Variants in RUSC2 observed in about 807,000 individuals in gnomAD.
RUSC2 encodes AP-4 complex accessory subunit RUSC2.
A neutral mutation model predicts 122.2 loss-of-function variants in RUSC2; 34 were observed. The ratio of observed to expected loss-of-function variants is 0.28; its 90% CI spans 0.21 to 0.37. RUSC2 has a LOEUF of 0.37. Ranked by LOEUF, RUSC2 falls within the 10% of genes least tolerant of loss-of-function variation. RUSC2 has a pLI of 1.00. For synonymous variants in RUSC2, 784 were observed against 790.0 expected (o/e 0.99, Z 0.13); for missense variants, 1,747 against 1,952.4 (o/e 0.89, Z 1.98).
In RUSC2 at chr9:35,548,974, C is replaced by A; in HGVS notation, c.2014+439C>A. ...TTGAACCCAGGAGGTGGAGGTTGCACTGAGCTGAGATCATACCACTGCACT... is the reference window on the plus strand; with the variant it reads ...TTGAACCCAGGAGGTGGAGGTTGCAATGAGCTGAGATCATACCACTGCACT... On this transcript the variant is annotated intron_variant, in intron 2 of 11. Coordinates refer to ENST00000361226, the MANE Select transcript of RUSC2 (RefSeq NM_014806.5). This position sits in a 1 kb window ranked among gnomAD's most constrained non-coding sequence, Gnocchi z 4.5. 1 of 782,138 alleles carries A rather than the reference C, an allele frequency of 1.3e-6. No homozygotes were observed. The highest frequency in any genetic ancestry group is 1.6e-6 in the Non-Finnish European group (1 of 644,632). 48.4% of individuals were successfully genotyped at this position (782,138 alleles called of 1,614,324 possible). A position where few individuals can be genotyped will look rare whatever the true frequency, so the allele number is the denominator to read the frequency against.
chr9:35,546,742 C>T lies in RUSC2; in HGVS notation c.221C>T (p.Pro74Leu). Residue 74 changes from proline to leucine, a missense_variant, in exon 2 of 12, where the codon CCA (proline) becomes CTA (leucine). By Grantham distance (98) the Pro-to-Leu change is moderately conservative. Coordinates refer to ENST00000361226, the MANE Select transcript of RUSC2 (RefSeq NM_014806.5). The surrounding 1 kb of genome is among the most constrained non-coding windows in gnomAD (Gnocchi z 4.3). ...CTATTCAGCAGCCTGCACTCTACTC[C>T]AGGAGGAACTGCACGGTCTATAGAC... ...SLLFSSLHST[P>L]GGTARSIDST... 6.3e-7 allele frequency: 1 copy of T among 1,578,438 alleles called. No individual in the cohort carries two copies. The highest frequency in any genetic ancestry group is 8.6e-7 in the Non-Finnish European group (1 of 1,163,148).
intron 1 of RUSC2, among the ~76,000 whole-genome samples, chr9:35,532,058 C>T (rs1245274157): frequency 4.0e-5 from 6 of 151,888 alleles, no homozygotes; most frequent in East Asian, 1.9e-4. Flanking sequence ...AGTCAATGCC[C>T]GAAACATTGG....
At chr9:35,528,456 A>G (rs970371759) in intron 1 of RUSC2, among the ~76,000 whole-genome samples, 6 of 150,884 alleles carry the variant, frequency 4.0e-5, no homozygotes, top group African/African-American at 1.5e-4. Flanking sequence ...GGGCCCTGTA[A>G]TGTCTTGATT....
intron 1 of RUSC2, among the ~76,000 whole-genome samples, chr9:35,534,427 C>CAT (rs1181113441): frequency 6.8e-6 from 1 of 147,570 alleles, no homozygotes; most frequent in African/African-American, 2.6e-5. Flanking sequence ...AATACACACA[C>CAT]ACACACACAC....
At chr9:35,531,994 C>G (rs1389579777) in intron 1 of RUSC2, among the ~76,000 whole-genome samples, 1 of 152,174 alleles carries the variant, frequency 6.6e-6, no homozygotes, top group African/African-American at 2.4e-5. Flanking sequence ...CCACTGCACT[C>G]CAGCCTGGGC....
intron 1 of RUSC2, among the ~76,000 whole-genome samples, chr9:35,490,728 C>T (rs767393549): frequency 6.6e-6 from 1 of 152,228 alleles, no homozygotes; most frequent in Admixed American, 6.5e-5. Context: ...GTCTCTCTGT[C>T]ATCCAGTTTT....
intron 8 of RUSC2, 50 bp from the exon 9 acceptor site, chr9:35,559,176 T>C: frequency 6.8e-7 from 1 of 1,465,960 alleles, no homozygotes; most frequent in Non-Finnish European, 9.6e-7. Context: ...TGTCTCCTTA[T>C]CTGGCTGTAT....
intron 1 of RUSC2, among the ~76,000 whole-genome samples, chr9:35,535,123 C>CT (rs1348974599): frequency 6.6e-6 from 1 of 151,616 alleles, no homozygotes; most frequent in Non-Finnish European, 1.5e-5. Flanking sequence ...GCCTAAGCTT[C>CT]TTTTTTTTAG....
intron 1 of RUSC2, among the ~76,000 whole-genome samples, chr9:35,534,987 T>A (rs79198549): frequency 6.6e-6 from 1 of 152,136 alleles, no homozygotes; most frequent in Non-Finnish European, 1.5e-5. Flanking sequence ...TTTTTTTTTT[T>A]ATTTTTTCAT....
At chr9:35,540,052 C>CAG (rs1292860324) in intron 1 of RUSC2, among the ~76,000 whole-genome samples, 2 of 152,150 alleles carry the variant, frequency 1.3e-5, no homozygotes, top group African/African-American at 4.8e-5. Flanking sequence ...TTTTCCCGCC[C>CAG]AGAGTTGCTC....
intron 1 of RUSC2, among the ~76,000 whole-genome samples, chr9:35,529,371 AT>A (rs562307773): frequency 6.6e-6 from 1 of 150,564 alleles, no homozygotes; most frequent in South Asian, 2.1e-4. Flanking sequence ...GCTCCAGCTG[AT>A]TGTTAGTCAT....
intron 4 of RUSC2, 42 bp downstream of exon 4, chr9:35,556,179 C>T (rs2131697477): frequency 6.2e-7 from 1 of 1,606,760 alleles, no homozygotes; most frequent in Non-Finnish European, 8.5e-7. Context: ...GCAGGCTCTG[C>T]CATGGCTGGA....
rs1444803287 is a variant in RUSC2, at chr9:35,560,352, G to A, written c.3712G>A (p.Gly1238Arg). The change falls in exon 10 of 12, where the codon GGA becomes AGA. Residue 1238 changes from glycine (G) to arginine (R), a missense_variant. Gly to Arg is a moderately radical substitution (Grantham distance 125). Coordinates refer to ENST00000361226, the MANE Select transcript of RUSC2 (RefSeq NM_014806.5). ...RVKGVGASEG[G>R]EEEEEEEETE... ...GAAGGGTGTGGGTGCCTCAGAAGGT[G>A]GAGAAGAGGAAGAGGAAGAAGAGGA... The A allele has an allele frequency of 6.2e-6, 10 of 1,612,050 alleles. No homozygotes were observed. In the South Asian group the frequency reaches 1.1e-4, roughly 18 times the overall value.
chr9:35,500,166 T>C (rs899467156), intron 1 of RUSC2, among the ~76,000 whole-genome samples: 8 of 152,204 alleles, frequency 5.3e-5, no homozygotes, highest in African/African-American at 1.9e-4. Context: ...TCTGTTTTTA[T>C]GCTGCTGATA....
chr9:35,556,239 G>A (rs1822016032), intron 4 of RUSC2, 69 bp from the exon 5 acceptor site: 11 of 1,600,976 alleles, frequency 6.9e-6, no homozygotes, highest in East Asian at 6.7e-5. Context: ...CAGACGGTAC[G>A]AGGCACTGAA....
rs999105338 is a variant in RUSC2 at position 35,557,265 on chromosome 9, G to A, written c.2984-649G>A. On this transcript the variant is annotated intron_variant, in intron 5 of 11. Coordinates refer to ENST00000361226, the MANE Select transcript of RUSC2 (RefSeq NM_014806.5). The surrounding 1 kb of genome is among the most constrained non-coding windows in gnomAD (Gnocchi z 4.6). ...TGAAGTTCCTTGCAAAGGCAGAAGG[G>A]GAGAATCAGAGCTCAGGGAGAAAGA... 7.2e-5 allele frequency among the ~76,000 whole-genome samples: 11 copies of A among 152,156 alleles called. No individual in the cohort carries two copies. The highest frequency in any genetic ancestry group is 3.3e-4 in the Admixed American group (5 of 15,270).
At chr9:35,528,482 G>A (rs1440272214) in intron 1 of RUSC2, among the ~76,000 whole-genome samples, 1 of 151,012 alleles carries the variant, frequency 6.6e-6, no homozygotes, top group Non-Finnish European at 1.5e-5. Context: ...AATGTGGGAA[G>A]CAGAATTCTC....
rs567702751 is a variant in RUSC2 at position 35,549,949 on chromosome 9, C to T, written c.2014+1414C>T. ...TAATTGGGCTGGGCACAGTGGCTTA[C>T]ACCTGTAATCCCAGCACTTTGGGAG... On this transcript the variant is annotated intron_variant, in intron 2 of 11. Coordinates refer to ENST00000361226, the MANE Select transcript of RUSC2 (RefSeq NM_014806.5). Among the ~76,000 whole-genome samples, 13 of 152,244 alleles carry T rather than the reference C, an allele frequency of 8.5e-5. No individual in the cohort carries two copies. In the South Asian group the frequency reaches 2.7e-3, roughly 32 times the overall value.
intron 1 of RUSC2, among the ~76,000 whole-genome samples, chr9:35,495,171 T>A (rs1459169741): frequency 2.6e-5 from 1 of 37,802 alleles, no homozygotes; most frequent in African/African-American, 8.2e-5. Flanking sequence ...TATATTTTAT[T>A]AAATATATAT....
Sources: allele counts gnomAD v4.1 joint callset (sites outside exome capture counted in the v4.1 genomes callset), GRCh38; gene constraint gnomAD v4.1.1; non-coding constraint Gnocchi (gnomAD v3.1); transcripts MANE v1.5; gene names NCBI Gene and HGNC (gene_info 2026-07-23, HGNC 2026-07-21).